The following SMC5 variants were observed in gnomAD, a reference collection of about 807,000 sequenced individuals.
The protein encoded by SMC5 is structural maintenance of chromosomes 5, also known as structural maintenance of chromosomes protein 5.
A neutral mutation model predicts 148.3 loss-of-function variants in SMC5; 88 were observed. The ratio of observed to expected loss-of-function variants is 0.59; its 90% CI spans 0.50 to 0.71. The LOEUF (loss-of-function observed/expected upper bound fraction) is 0.71, where lower values mean the gene tolerates loss of function less well. SMC5 is among the 30% of genes least tolerant of loss of function. SMC5 has a pLI of 0.00. For missense variants in SMC5, 1,142 were observed against 1,298.9 expected (o/e 0.88, Z 1.86); for synonymous variants, 421 against 432.8 (o/e 0.97, Z 0.34).
chr9:70,337,604 C>T (rs1229822163), intron 17 of SMC5, among the ~76,000 whole-genome samples: 7 of 151,818 alleles, frequency 4.6e-5, no homozygotes, highest in Admixed American at 3.3e-4. Context: ...TACAGGCGAG[C>T]GCCGCCACAC....
chr9:70,303,312 T>TA (rs1401290225), intron 10 of SMC5, among the ~76,000 whole-genome samples: 1 of 151,944 alleles, frequency 6.6e-6, no homozygotes, highest in Non-Finnish European at 1.5e-5. Flanking sequence ...TATAATTATA[T>TA]TTTTTTTAAA....
chr9:70,301,154 A>G (rs2035347672), intron 10 of SMC5, among the ~76,000 whole-genome samples: 1 of 152,274 alleles, frequency 6.6e-6, no homozygotes, highest in East Asian at 1.9e-4. Context: ...TAGTCTGATG[A>G]GGATTGAAAG....
intron 17 of SMC5, among the ~76,000 whole-genome samples, chr9:70,343,396 GAATA>G (rs1282575767): frequency 3.9e-5 from 6 of 152,088 alleles, no homozygotes; most frequent in Admixed American, 3.3e-4. Flanking sequence ...ATAGGTCCAT[GAATA>G]AATAAATACA....
At chr9:70,295,819 A>G (rs926519955) in intron 8 of SMC5, among the ~76,000 whole-genome samples, 22 of 152,086 alleles carry the variant, frequency 1.4e-4, no homozygotes, top group Admixed American at 1.0e-3. Flanking sequence ...TTTTGCTGGG[A>G]TTGCAGACGT....
rs914723624 is a variant in SMC5 at position 70,354,252 on chromosome 9, G to A, written c.*1921G>A. On this transcript the variant is annotated 3_prime_UTR_variant, in exon 25 of 25. Transcript: ENST00000361138. ...TGTTTGTTTGTTTTTTTGAGATGGA[G>A]TCTCACTCTGTTGCCCAGGCTGGAG... 6.6e-6 allele frequency: 1 copy of A among 152,630 alleles called. No homozygotes were observed. Among genetic ancestry groups the A allele is most frequent in the Non-Finnish European group, 1.5e-5 (1 of 68,468 alleles). The allele number at this position is 152,630 out of a possible 1,614,324, so 9.5% of individuals were successfully genotyped here. A position where few individuals can be genotyped will look rare whatever the true frequency, so the allele number is the denominator to read the frequency against.
chr9:70,334,042 TTGTATC>T (rs1255640944), intron 17 of SMC5, among the ~76,000 whole-genome samples: 5 of 151,990 alleles, frequency 3.3e-5, no homozygotes, highest in African/African-American at 7.2e-5. Flanking sequence ...AATCAAGACA[TTGTATC>T]TGTATAAAAG....
intron 13 of SMC5, among the ~76,000 whole-genome samples, chr9:70,317,755 G>C (rs771115205): frequency 6.6e-6 from 1 of 152,090 alleles, no homozygotes; most frequent in Admixed American, 6.6e-5. Flanking sequence ...TGAAATCCAT[G>C]TATAAATTCT....
chr9:70,305,190 G>A, intron 10 of SMC5, 57 bp from the exon 11 acceptor site: 1 of 726,272 alleles, frequency 1.4e-6, no homozygotes, highest in Non-Finnish European at 2.4e-6. Flanking sequence ...ATATAAACAT[G>A]TTTTAATAAT....
chr9:70,336,708 G>A (rs1276342551), intron 17 of SMC5, among the ~76,000 whole-genome samples: 2 of 152,270 alleles, frequency 1.3e-5, no homozygotes, highest in East Asian at 3.9e-4. Flanking sequence ...CATTGATTGA[G>A]CTTATGAATG....
In SMC5 at chr9:70,267,947, T is replaced by A. The variant is rs757108083; in HGVS notation, c.352T>A (p.Cys118Ser). 3 of 1,613,388 alleles carry A rather than the reference T, an allele frequency of 1.9e-6. No individual in the cohort carries two copies. The highest frequency in any genetic ancestry group is 2.5e-6 in the Non-Finnish European group (3 of 1,179,754). ...DKVGFFVKRG[C>S]SRGMVEIELF... ...GGTTGGGTTTTTTGTGAAGAGAGGA[T>A]GTTCTAGAGGCATGGTTGAAATTGA... is the stretch of plus-strand genomic sequence containing the variant. The change falls in exon 3 of 25, where the codon TGT becomes AGT. Residue 118 changes from cysteine (C) to serine (S), a missense_variant. This residue lies in a region of SMC5 where 297 missense variants were observed against 302.6 expected (regional missense o/e 0.98). Transcript: ENST00000361138.
intron 1 of SMC5, among the ~76,000 whole-genome samples, chr9:70,261,447 A>T (rs1300069452): frequency 1.3e-5 from 2 of 152,196 alleles, no homozygotes; most frequent in African/African-American, 4.8e-5. Flanking sequence ...GGAATGCAGC[A>T]TTTTTCCCAA....
At chr9:70,294,543 G>A (rs183520052) in intron 8 of SMC5, among the ~76,000 whole-genome samples, 4 of 152,322 alleles carry the variant, frequency 2.6e-5, no homozygotes, top group Non-Finnish European at 5.9e-5. Flanking sequence ...ATGTAAAAAG[G>A]TAGTGGGGTT....
intron 13 of SMC5, among the ~76,000 whole-genome samples, chr9:70,317,661 G>T (rs1283431153): frequency 6.6e-6 from 1 of 152,118 alleles, no homozygotes; most frequent in African/African-American, 2.4e-5. Flanking sequence ...AAAATGCTCT[G>T]CATTGCAGCA....
chr9:70,347,510 G>A (rs2118836814), intron 20 of SMC5, 103 bp from the exon 21 acceptor site: 1 of 627,254 alleles, frequency 1.6e-6, no homozygotes, highest in South Asian at 2.4e-5. Flanking sequence ...AAACAATGCA[G>A]CACAATTGGC....
chr9:70,340,188 T>A (rs2036480890), intron 17 of SMC5, among the ~76,000 whole-genome samples: 1 of 152,030 alleles, frequency 6.6e-6, no homozygotes, highest in African/African-American at 2.4e-5. Context: ...ATTTATTTGC[T>A]TATTCTAATA....
chr9:70,337,450 GTTTT>G (rs201218742), intron 17 of SMC5, among the ~76,000 whole-genome samples: 57 of 119,956 alleles, frequency 4.8e-4, no homozygotes, highest in African/African-American at 1.3e-3. Context: ...TTTGGGATTT[GTTTT>G]TTTTTTTTTT....
chr9:70,284,698 G>A (rs186678981), intron 7 of SMC5, among the ~76,000 whole-genome samples: 36 of 152,202 alleles, frequency 2.4e-4, no homozygotes, highest in Admixed American at 7.2e-4. Flanking sequence ...AATCTGCATG[G>A]CCTAAGATGT....
chr9:70,264,480 A>G (rs913234319), intron 2 of SMC5, 35 bp downstream of exon 2: 2 of 1,607,498 alleles, frequency 1.2e-6, no homozygotes, highest in South Asian at 2.2e-5. Flanking sequence ...AGAAATTTCA[A>G]ACCTATTAAT....
intron 3 of SMC5, among the ~76,000 whole-genome samples, chr9:70,270,049 C>T (rs2034400543): frequency 1.3e-5 from 2 of 152,142 alleles, no homozygotes; most frequent in African/African-American, 4.8e-5. Context: ...TGACACTAAC[C>T]AAAAATTAGT....
Sources: gnomAD v4.1 joint callset for allele counts (sites outside exome capture counted in the v4.1 genomes callset) on GRCh38, gnomAD v4.1.1 for gene constraint, gnomAD v4.1.1 regional missense constraint, MANE v1.5 for transcripts, NCBI Gene and HGNC (gene_info 2026-07-23, HGNC 2026-07-21) for gene names.